The following CNTN4 variants were observed in gnomAD, a reference collection of about 807,000 sequenced individuals.
The protein encoded by CNTN4 is contactin-4.
Under a neutral mutation model 122.5 loss-of-function variants are expected in CNTN4, and 77 were observed. The ratio of observed to expected loss-of-function variants is 0.63; its 90% CI spans 0.52 to 0.76. CNTN4 has a LOEUF of 0.76. CNTN4 is among the 30% of genes least tolerant of loss of function. The pLI, the probability that CNTN4 is intolerant of heterozygous loss-of-function variation, is 0.00. For missense variants in CNTN4, 1,256 were observed against 1,259.1 expected, an observed-to-expected ratio of 1.00 and a Z score of 0.04; for synonymous variants, 512 against 447.0, an observed-to-expected ratio of 1.15 and a Z score of -1.83.
intron 2 of CNTN4, among the ~76,000 whole-genome samples, chr3:2,230,623 C>G (rs1375596025): frequency 6.6e-6 from 1 of 152,078 alleles, no homozygotes; most frequent in Non-Finnish European, 1.5e-5. Context: ...CGGGTACATA[C>G]AAAAGAACAC....
intron 23 of CNTN4, among the ~76,000 whole-genome samples, chr3:3,051,732 G>C (rs867391077): frequency 1.3e-5 from 2 of 152,212 alleles, no homozygotes; most frequent in African/African-American, 4.8e-5. Flanking sequence ...CCTTGTGTTA[G>C]AGAGATATAA....
At chr3:2,221,911 C>A (rs1034626824) in intron 2 of CNTN4, among the ~76,000 whole-genome samples, 1 of 152,006 alleles carries the variant, frequency 6.6e-6, no homozygotes, top group African/African-American at 2.4e-5. Flanking sequence ...AAATAATAAG[C>A]AAAATGTGCA....
intron 14 of CNTN4, among the ~76,000 whole-genome samples, chr3:3,010,185 G>A (rs1387927056): frequency 2.0e-5 from 3 of 152,044 alleles, no homozygotes; most frequent in Non-Finnish European, 4.4e-5. Flanking sequence ...CTGGGATGGG[G>A]AGGGTTAGTC....
At chr3:2,886,286 A>C (rs2093977075) in intron 9 of CNTN4, among the ~76,000 whole-genome samples, 2 of 151,732 alleles carry the variant, frequency 1.3e-5, no homozygotes, top group South Asian at 4.2e-4. Context: ...AGTCCTAGCT[A>C]CTTGGGAGGC....
At chr3:2,150,601 T>A (rs2035455668) in intron 2 of CNTN4, among the ~76,000 whole-genome samples, 1 of 152,204 alleles carries the variant, frequency 6.6e-6, no homozygotes, top group African/African-American at 2.4e-5. Flanking sequence ...ACTTAATCAT[T>A]TGAAACATCA....
chr3:2,947,994 A>G (rs79673866), intron 13 of CNTN4, among the ~76,000 whole-genome samples: 2 of 127,436 alleles, frequency 1.6e-5, no homozygotes, highest in African/African-American at 2.8e-5. Flanking sequence ...AATTGTAGGG[A>G]AAAAAAAAAC....
chr3:2,737,626 T>A (rs899838717), intron 5 of CNTN4, among the ~76,000 whole-genome samples: 12 of 152,088 alleles, frequency 7.9e-5, no homozygotes, highest in Non-Finnish European at 7.4e-5. Context: ...AGTAAGTGGG[T>A]TTGGAACCGA....
rs753558579 is a variant in CNTN4 at position 3,054,598 on chromosome 3, TTTG to T, written c.2980+631_2980+633del. 3.3e-5 allele frequency among the ~76,000 whole-genome samples: 5 copies of T among 152,296 alleles called. No individual in the cohort carries two copies. In the East Asian group the frequency reaches 9.7e-4, roughly 29 times the overall value. Reference sequence around the variant, plus strand: ...GTAAGTATCTTAAGAGCATGATTTTTTTGTTGTTGTGTGTGATCTCATTTATTT... The same window carrying T: ...GTAAGTATCTTAAGAGCATGATTTTTTTGTTGTGTGTGATCTCATTTATTT... On this transcript the variant is annotated intron_variant, in intron 24 of 24. Coordinates refer to ENST00000418658, the MANE Select transcript of CNTN4 (RefSeq NM_175607.3).
At position 2,841,443 on chromosome 3, in the gene CNTN4, T is replaced by C. The variant is rs1261216740; in HGVS notation, c.454+21862T>C. The stretch of plus-strand genomic sequence containing the variant: ...TTTACAAATAAAAGAGGATTAGGAT[T>C]ATTTTCATTTTAATATTCCCACTAT... On this transcript the variant is annotated intron_variant, in intron 7 of 24. Transcript: ENST00000418658. This position sits in a 1 kb window ranked among gnomAD's most constrained non-coding sequence, Gnocchi z 4.8. Among the ~76,000 whole-genome samples the C allele has an allele frequency of 1.3e-5, 2 of 152,210 alleles. No homozygotes were observed. Among genetic ancestry groups the C allele is most frequent in the African/African-American group, 4.8e-5 (2 of 41,446 alleles).
chr3:2,120,733 TCTCA>T (rs1372808756), intron 2 of CNTN4, among the ~76,000 whole-genome samples: 1 of 151,992 alleles, frequency 6.6e-6, no homozygotes, highest in Non-Finnish European at 1.5e-5. Flanking sequence ...TGCATGTGAC[TCTCA>T]CGAGTGTGGA....
At chr3:3,038,125 C>T (rs1026151473) in intron 18 of CNTN4, among the ~76,000 whole-genome samples, 3 of 152,172 alleles carry the variant, frequency 2.0e-5, no homozygotes, top group African/African-American at 7.2e-5. Flanking sequence ...AGGAGACATA[C>T]CCAGTCACCA....
chr3:2,906,855 A>G (rs1456648536), intron 12 of CNTN4, among the ~76,000 whole-genome samples: 5 of 151,804 alleles, frequency 3.3e-5, no homozygotes, highest in African/African-American at 1.2e-4. Context: ...AAAAAAAAAA[A>G]AAAAGAAAAA....
At chr3:2,697,730 C>T (rs984589416) in intron 4 of CNTN4, among the ~76,000 whole-genome samples, 1 of 152,070 alleles carries the variant, frequency 6.6e-6, no homozygotes, top group Non-Finnish European at 1.5e-5. Context: ...AAAAAAGATA[C>T]TTATTTTAAG....
At chr3:2,973,479 C>A (rs527907524) in intron 13 of CNTN4, among the ~76,000 whole-genome samples, 180 of 152,050 alleles carry the variant, frequency 1.2e-3, no homozygotes, top group Non-Finnish European at 2.1e-3. Context: ...TGTTCAAAAC[C>A]ATTGTGCATA....
At chr3:2,791,625 T>G (rs1360161328) in intron 6 of CNTN4, among the ~76,000 whole-genome samples, 1 of 152,152 alleles carries the variant, frequency 6.6e-6, no homozygotes, top group Non-Finnish European at 1.5e-5. Context: ...ACCTGATGCC[T>G]GATGTATTAC....
At chr3:2,145,606 A>T (rs1433580441) in intron 2 of CNTN4, among the ~76,000 whole-genome samples, 1 of 152,228 alleles carries the variant, frequency 6.6e-6, no homozygotes, top group Admixed American at 6.5e-5. Context: ...TCAGAACTTT[A>T]GCTTTTATGA....
chr3:2,184,201 G>A (rs1458962529), intron 2 of CNTN4, among the ~76,000 whole-genome samples: 3 of 152,182 alleles, frequency 2.0e-5, no homozygotes, highest in African/African-American at 7.2e-5. Context: ...GCCCAGGCTG[G>A]TTTCAAATGC....
intron 6 of CNTN4, among the ~76,000 whole-genome samples, chr3:2,767,659 T>C (rs1389242328): frequency 6.6e-6 from 1 of 152,190 alleles, no homozygotes; most frequent in Non-Finnish European, 1.5e-5. Flanking sequence ...AATGTTCTAC[T>C]TGAGCGTACC....
intron 4 of CNTN4, among the ~76,000 whole-genome samples, chr3:2,716,985 A>G (rs1295089448): frequency 6.6e-6 from 1 of 152,036 alleles, no homozygotes; most frequent in African/African-American, 2.4e-5. Context: ...CACTGTATTG[A>G]TCTATGACAT....
Sources: gnomAD v4.1 joint callset for allele counts (sites outside exome capture counted in the v4.1 genomes callset) on GRCh38, gnomAD v4.1.1 for gene constraint, Gnocchi (gnomAD v3.1) non-coding constraint, MANE v1.5 for transcripts, NCBI Gene and HGNC (gene_info 2026-07-23, HGNC 2026-07-21) for gene names.